The following PFKFB3 variants were observed in gnomAD, a reference collection of about 807,000 sequenced individuals.
PFKFB3 encodes the protein 6-phosphofructo-2-kinase/fructose-2,6-bisphosphatase 3.
PFKFB3 carries 33 observed loss-of-function variants against 68.0 expected under a neutral mutation model. The observed-to-expected ratio is 0.49, with a 90% CI of 0.37 to 0.65. The LOEUF is 0.65. Ranked by LOEUF, PFKFB3 falls within the 30% of genes least tolerant of loss-of-function variation. The pLI, the probability that PFKFB3 is intolerant of heterozygous loss-of-function variation, is 0.00. For synonymous variants in PFKFB3, 315 were observed against 288.2 expected, an observed-to-expected ratio of 1.09 and a Z score of -0.94; for missense variants, 586 against 712.2, an observed-to-expected ratio of 0.82 and a Z score of 2.02.
rs941143223 is a variant in PFKFB3 at position 6,229,425 on chromosome 10, G to T, written c.1515+3060G>T. On this transcript the variant is annotated intron_variant, in intron 14 of 14. Coordinates refer to ENST00000379775, the MANE Select transcript of PFKFB3 (RefSeq NM_004566.4). The surrounding 1 kb of genome is among the most constrained non-coding windows in gnomAD (Gnocchi z 4.3). The stretch of plus-strand genomic sequence containing the variant: ...CTCCTCTCTGCGGCTTCTGGGAGTG[G>T]GCTGGGTGCCCGTTCCCTGCTGCTG... 6.6e-6 allele frequency among the ~76,000 whole-genome samples: 1 copy of T among 152,242 alleles called. No individual in the cohort carries two copies. The highest frequency in any genetic ancestry group is 1.5e-5 in the Non-Finnish European group (1 of 68,040).
At position 6,228,584 on chromosome 10, in the gene PFKFB3, C is replaced by A. The variant is rs1845514605; in HGVS notation, c.1515+2219C>A. Among the ~76,000 whole-genome samples, 1 of 152,110 alleles carries A rather than the reference C, an allele frequency of 6.6e-6. No individual in the cohort carries two copies. The highest frequency in any genetic ancestry group is 2.1e-4 in the South Asian group (1 of 4,812). On this transcript the variant is annotated intron_variant, in intron 14 of 14. Transcript: ENST00000379775. This position sits in a 1 kb window ranked among gnomAD's most constrained non-coding sequence, Gnocchi z 4.5. ...ATCTTGGTGGCGAGCTGCATCTGTG[C>A]CAGGTGCCATTAGCCTTAAAGCCCC...
rs1047793225 is a variant in PFKFB3, at chr10:6,221,458, C to T, written c.909C>T (p.Ser303=). The T allele has an allele frequency of 1.9e-6, 3 of 1,613,882 alleles. No individual in the cohort carries two copies. Among genetic ancestry groups the T allele is most frequent in the Non-Finnish European group, 2.5e-6 (3 of 1,180,018 alleles). The change falls in exon 9 of 15, where the codon AGC becomes AGT. Residue 303 remains serine, a synonymous_variant. Coordinates refer to ENST00000379775, the MANE Select transcript of PFKFB3 (RefSeq NM_004566.4). ...GCGTGTGGACCAGCCAGCTGAAGAG[C>T]ACCATCCAGACGGCCGAGGCGCTGC... ...DLRVWTSQLK[S]TIQTAEALRL...
intron 1 of PFKFB3, 58 bp from the exon 2 acceptor site, chr10:6,213,565 C>A (rs1395026608): frequency 6.4e-7 from 1 of 1,571,520 alleles, no homozygotes; most frequent in Non-Finnish European, 8.7e-7. Flanking sequence ...GGTGTGGCCT[C>A]TGCTCCTCTT....
the PFKFB3 span, among the ~76,000 whole-genome samples, chr10:6,278,149 C>A: frequency 6.6e-6 from 1 of 151,990 alleles, no homozygotes; most frequent in African/African-American, 2.4e-5. Context: ...ATCTCTTGAC[C>A]TTGTGATCCG....
chr10:6,203,385 C>G, intron 1 of PFKFB3, 49 bp downstream of exon 1: 2 of 1,484,392 alleles, frequency 1.3e-6, no homozygotes, highest in South Asian at 1.2e-5. Context: ...TGCGCCGGGC[C>G]GGGCCATTGT....
chr10:6,188,866 G>A (rs11814263), intron 1 of PFKFB3, among the ~76,000 whole-genome samples: 78 of 125,694 alleles, frequency 6.2e-4, no homozygotes, highest in African/African-American at 2.1e-3. Context: ...ACGGAGTCTC[G>A]CTCTGTCCCC....
chr10:6,262,551 T>G, the PFKFB3 span, among the ~76,000 whole-genome samples: 1 of 152,110 alleles, frequency 6.6e-6, no homozygotes, highest in Non-Finnish European at 1.5e-5. Flanking sequence ...TTTTTGTGTC[T>G]TGCTTAAGAA....
chr10:6,315,059 T>C, the PFKFB3 span, among the ~76,000 whole-genome samples: 1 of 152,196 alleles, frequency 6.6e-6, no homozygotes, highest in African/African-American at 2.4e-5. Context: ...GGCTACCAGC[T>C]GACTCTCTAA....
intron 1 of PFKFB3, among the ~76,000 whole-genome samples, chr10:6,183,257 G>A (rs1842769410): frequency 6.6e-6 from 1 of 152,202 alleles, no homozygotes; most frequent in Admixed American, 6.5e-5. Flanking sequence ...CAGGAGAAAA[G>A]TCCGCAGGCC....
the PFKFB3 span, among the ~76,000 whole-genome samples, chr10:6,288,601 CATT>C: frequency 6.6e-6 from 1 of 151,656 alleles, no homozygotes; most frequent in Non-Finnish European, 1.5e-5. Context: ...TCCAGTCTAT[CATT>C]GTTGGACATT....
At chr10:6,320,804 G>A in the PFKFB3 span, among the ~76,000 whole-genome samples, 6,362 of 152,196 alleles carry the variant, frequency 0.042, 440 homozygotes, top group African/African-American at 0.14. Flanking sequence ...TCTCATCACA[G>A]TTCTGGAACA....
upstream of PFKFB3, among the ~76,000 whole-genome samples, chr10:6,200,102 T>C (rs1445134159): frequency 6.6e-6 from 1 of 152,024 alleles, no homozygotes; most frequent in Admixed American, 6.6e-5. Context: ...ATCTCTGACC[T>C]GGTTCCTTGA....
intron 1 of PFKFB3, among the ~76,000 whole-genome samples, chr10:6,173,292 G>T (rs1842365670): frequency 6.6e-6 from 1 of 152,194 alleles, no homozygotes; most frequent in Non-Finnish European, 1.5e-5. Context: ...AAGAGGTCGA[G>T]GCGCAACCTG....
intron 1 of PFKFB3, among the ~76,000 whole-genome samples, chr10:6,177,438 C>CTCTCTCTT (rs755279276): frequency 6.9e-5 from 6 of 86,630 alleles, no homozygotes; most frequent in Admixed American, 1.5e-4. Context: ...TCTTTTCTTT[C>CTCTCTCTT]TCTTTCTTTC....
intron 1 of PFKFB3, among the ~76,000 whole-genome samples, chr10:6,159,256 G>A (rs1009990571): frequency 3.3e-5 from 5 of 151,978 alleles, no homozygotes; most frequent in Non-Finnish European, 7.4e-5. Flanking sequence ...TTAGCCAGGC[G>A]TGGCGGTGGG....
intron 1 of PFKFB3, among the ~76,000 whole-genome samples, chr10:6,170,953 C>T (rs1346042722): frequency 6.6e-6 from 1 of 152,132 alleles, no homozygotes; most frequent in Non-Finnish European, 1.5e-5. Flanking sequence ...AGACAGGATA[C>T]CCTCAGGCCC....
intron 1 of PFKFB3, among the ~76,000 whole-genome samples, chr10:6,155,431 C>T (rs375341475): frequency 6.6e-6 from 1 of 152,050 alleles, no homozygotes; most frequent in Non-Finnish European, 1.5e-5. Context: ...GTCTCGATCT[C>T]CTGACCTCGT....
chr10:6,251,383 T>A (rs1456137104), intron 14 of PFKFB3, among the ~76,000 whole-genome samples: 1 of 152,230 alleles, frequency 6.6e-6, no homozygotes, highest in Non-Finnish European at 1.5e-5. Flanking sequence ...TTTTTTGAAT[T>A]AATAGTTCCC....
At chr10:6,281,338 C>CTTTACTT in the PFKFB3 span, among the ~76,000 whole-genome samples, 2 of 151,706 alleles carry the variant, frequency 1.3e-5, no homozygotes, top group African/African-American at 4.8e-5. Flanking sequence ...CTCAGTTTAA[C>CTTTACTT]TTTACTTACT....
Sources: gnomAD v4.1 joint callset for allele counts (sites outside exome capture counted in the v4.1 genomes callset) on GRCh38, gnomAD v4.1.1 for gene constraint, Gnocchi (gnomAD v3.1) non-coding constraint, MANE v1.5 for transcripts, NCBI Gene and HGNC (gene_info 2026-07-23, HGNC 2026-07-21) for gene names.